The following LAMA2 variants were observed in gnomAD, a reference collection of about 807,000 sequenced individuals.
LAMA2 encodes laminin subunit alpha-2.
Under a neutral mutation model 364.8 loss-of-function variants are expected in LAMA2, and 269 were observed. The observed-to-expected ratio is 0.74, with a 90% CI of 0.67 to 0.82. The LOEUF (loss-of-function observed/expected upper bound fraction) is 0.82, where lower values mean the gene tolerates loss of function less well. Ranked by LOEUF, LAMA2 falls within the 40% of genes least tolerant of loss-of-function variation. The pLI, the probability that LAMA2 is intolerant of heterozygous loss-of-function variation, is 0.00. For synonymous variants in LAMA2, 1,379 were observed against 1,370.6 expected, an observed-to-expected ratio of 1.01 and a Z score of -0.14; for missense variants, 3,807 against 3,873.2, an observed-to-expected ratio of 0.98 and a Z score of 0.45.
intron 40 of LAMA2, among the ~76,000 whole-genome samples, chr6:129,417,858 T>G (rs1171310200): frequency 6.6e-6 from 1 of 152,110 alleles, no homozygotes; most frequent in Non-Finnish European, 1.5e-5. Context: ...TGCTCTGAAA[T>G]CAGCCTGGGT....
At chr6:128,912,700 A>G (rs900133777) in intron 1 of LAMA2, among the ~76,000 whole-genome samples, 6 of 152,350 alleles carry the variant, frequency 3.9e-5, no homozygotes, top group African/African-American at 1.4e-4. Flanking sequence ...ATGGCATAGT[A>G]GGGAAAAAAG....
chr6:129,297,009 G>A (rs896172724), intron 20 of LAMA2, among the ~76,000 whole-genome samples: 9 of 152,118 alleles, frequency 5.9e-5, no homozygotes, highest in African/African-American at 1.7e-4. Flanking sequence ...ACTCATCAGA[G>A]AATGAAAGTT....
intron 12 of LAMA2, among the ~76,000 whole-genome samples, chr6:129,200,108 A>G (rs1317299484): frequency 7.5e-6 from 1 of 132,970 alleles, no homozygotes; most frequent in African/African-American, 2.9e-5. Flanking sequence ...GTATATGTGT[A>G]CACGTATATA....
intron 1 of LAMA2, among the ~76,000 whole-genome samples, chr6:128,968,045 T>C (rs1303518485): frequency 4.6e-5 from 7 of 152,172 alleles, no homozygotes; most frequent in Non-Finnish European, 1.0e-4. Flanking sequence ...CTAGATTCCT[T>C]CTACAGATCA....
intron 12 of LAMA2, among the ~76,000 whole-genome samples, chr6:129,219,848 G>A (rs1240998384): frequency 6.8e-6 from 1 of 146,960 alleles, no homozygotes; most frequent in Non-Finnish European, 1.5e-5. Context: ...GGAGGGGGGA[G>A]AGATAGCATT....
At chr6:129,048,957 T>C (rs966371116) in intron 1 of LAMA2, among the ~76,000 whole-genome samples, 1 of 152,072 alleles carries the variant, frequency 6.6e-6, no homozygotes, top group Admixed American at 6.6e-5. Context: ...ATAGACCTAC[T>C]TGGCACATAT....
At chr6:129,260,643 C>CGAAT (rs530384166) in intron 14 of LAMA2, 68 bp from the exon 15 acceptor site, 2 of 931,628 alleles carry the variant, frequency 2.1e-6, no homozygotes, top group South Asian at 2.6e-5. Flanking sequence ...TGTTGCTGTA[C>CGAAT]GATTCCTACA....
intron 4 of LAMA2, among the ~76,000 whole-genome samples, chr6:129,140,742 A>G (rs1297813431): frequency 6.6e-6 from 1 of 152,058 alleles, no homozygotes; most frequent in African/African-American, 2.4e-5. Flanking sequence ...GAGAAAGGAA[A>G]AAAAAATACA....
chr6:128,929,399 G>GAT, intron 1 of LAMA2: 2 of 901,864 alleles, frequency 2.2e-6, no homozygotes, highest in Non-Finnish European at 3.8e-6. Context: ...GAGGATGAGT[G>GAT]ATAGCACACC....
At chr6:129,478,905 A>C (rs1319836673) in intron 54 of LAMA2, 92 bp downstream of exon 54, 1 of 1,178,622 alleles carries the variant, frequency 8.5e-7, no homozygotes, top group African/African-American at 1.5e-5. Flanking sequence ...TCTTTTGTTA[A>C]TATATTTTAC....
At chr6:129,347,042 G>A (rs1289562374) in intron 30 of LAMA2, among the ~76,000 whole-genome samples, 1 of 152,162 alleles carries the variant, frequency 6.6e-6, no homozygotes, top group African/African-American at 2.4e-5. Flanking sequence ...CAGAGTGAAT[G>A]AGAAGAGGGG....
At chr6:129,172,173 C>T (rs1388502780) in intron 9 of LAMA2, among the ~76,000 whole-genome samples, 2 of 151,966 alleles carry the variant, frequency 1.3e-5, no homozygotes, top group African/African-American at 4.8e-5. Flanking sequence ...CTTCTCTCAG[C>T]TCGTCAAAGT....
chr6:128,936,340 A>C (rs1433306363), intron 1 of LAMA2, among the ~76,000 whole-genome samples: 3 of 152,188 alleles, frequency 2.0e-5, no homozygotes, highest in Non-Finnish European at 4.4e-5. Flanking sequence ...TATTATGTTC[A>C]GATACATTTT....
chr6:129,028,773 G>T (rs1317184318), intron 1 of LAMA2, among the ~76,000 whole-genome samples: 1 of 151,608 alleles, frequency 6.6e-6, no homozygotes. Context: ...TGATCTCCTA[G>T]GTATGTCTAA....
At chr6:128,894,901 T>A (rs1286032897) in intron 1 of LAMA2, among the ~76,000 whole-genome samples, 3 of 152,220 alleles carry the variant, frequency 2.0e-5, no homozygotes, top group Non-Finnish European at 4.4e-5. Flanking sequence ...TAAATCTTGT[T>A]ACTAAAAGGA....
At chr6:129,346,261 T>A (rs9372925) in intron 30 of LAMA2, among the ~76,000 whole-genome samples, 11,593 of 152,256 alleles carry the variant, frequency 0.076, 604 homozygotes, top group East Asian at 0.15. Context: ...TTCTATATAA[T>A]GCCAAGTTTG....
intron 12 of LAMA2, among the ~76,000 whole-genome samples, chr6:129,219,158 T>G (rs1391639913): frequency 1.3e-5 from 2 of 152,196 alleles, no homozygotes; most frequent in African/African-American, 4.8e-5. Context: ...ATATTTTATT[T>G]TCTTTAAAAA....
intron 14 of LAMA2, among the ~76,000 whole-genome samples, chr6:129,259,350 A>G (rs1786949612): frequency 6.6e-6 from 1 of 152,106 alleles, no homozygotes; most frequent in Admixed American, 6.6e-5. Flanking sequence ...CTGATCAACA[A>G]AAATCTACCA....
In LAMA2 at chr6:129,252,073, T is replaced by G. The variant is rs540137048; in HGVS notation, c.1885-11T>G. 1 of 1,596,168 alleles carries G rather than the reference T, an allele frequency of 6.3e-7. No homozygotes were observed. The highest frequency in any genetic ancestry group is 1.1e-5 in the South Asian group (1 of 90,684). On this transcript the variant is annotated splice_polypyrimidine_tract_variant and intron_variant, in intron 13 of 64. Coordinates refer to ENST00000421865, the MANE Select transcript of LAMA2 (RefSeq NM_000426.4). ...TTTACTCTTTTTTATTTCTTTTTTT[T>G]CCCCCTTTAGGGTAATGACTTGAGC...
Sources: gnomAD v4.1 joint callset for allele counts (sites outside exome capture counted in the v4.1 genomes callset) on GRCh38, gnomAD v4.1.1 for gene constraint, MANE v1.5 for transcripts, NCBI Gene and HGNC (gene_info 2026-07-23, HGNC 2026-07-21) for gene names.